CSMD1: variants seen among roughly 807,000 people sequenced by gnomAD.
The protein encoded by CSMD1 is CUB and sushi domain-containing protein 1.
In CSMD1, 213 loss-of-function variants were observed where a neutral mutation model predicts 417.5. That is an observed-to-expected ratio of 0.51 (90% CI 0.46 to 0.57). The LOEUF (loss-of-function observed/expected upper bound fraction) is 0.57, where lower values mean the gene tolerates loss of function less well. Ranked by LOEUF, CSMD1 falls within the 20% of genes least tolerant of loss-of-function variation. The pLI is 0.00. For synonymous variants in CSMD1, 2,862 were observed against 1,736.8 expected, an observed-to-expected ratio of 1.65 and a Z score of -16.11; for missense variants, 6,923 against 4,529.7, an observed-to-expected ratio of 1.53 and a Z score of -15.17.
intron 3 of CSMD1, among the ~76,000 whole-genome samples, chr8:4,135,005 G>C (rs1021471700): frequency 2.0e-5 from 3 of 151,990 alleles, no homozygotes; most frequent in East Asian, 3.9e-4. Context: ...TCTGCCTCTA[G>C]AATTTTTATT....
At chr8:3,642,496 C>T (rs995294765) in intron 7 of CSMD1, among the ~76,000 whole-genome samples, 5 of 152,168 alleles carry the variant, frequency 3.3e-5, no homozygotes, top group African/African-American at 1.2e-4. Flanking sequence ...CACAAATCCT[C>T]TCTGGAGAAA....
chr8:4,434,842 C>T (rs1047058197), intron 2 of CSMD1, among the ~76,000 whole-genome samples: 9 of 152,202 alleles, frequency 5.9e-5, no homozygotes, highest in African/African-American at 2.2e-4. Context: ...CCATAGCTGT[C>T]TCCTGGGCAA....
rs186856231 is a variant in CSMD1 at position 4,914,652 on chromosome 8, G to C, written c.85+79680C>G. Among the ~76,000 whole-genome samples the C allele has an allele frequency of 4.0e-5, 6 of 151,692 alleles. No homozygotes were observed. In the East Asian group the frequency reaches 7.8e-4, roughly 20 times the overall value. ...GCCTTTAACTTCTGCAAGTTTTGTA[G>C]CAGATCCTCTGTTTGGACACTAATC... On this transcript the variant is annotated intron_variant, in intron 1 of 69. Transcript: ENST00000635120.
At chr8:4,319,431 A>G (rs1002542198) in intron 3 of CSMD1, among the ~76,000 whole-genome samples, 1 of 152,164 alleles carries the variant, frequency 6.6e-6, no homozygotes, top group South Asian at 2.1e-4. Flanking sequence ...ATATACCTAC[A>G]CTTCTTTCCA....
chr8:3,748,829 A>C (rs2129052569), intron 6 of CSMD1, among the ~76,000 whole-genome samples: 1 of 152,362 alleles, frequency 6.6e-6, no homozygotes, highest in South Asian at 2.1e-4. Context: ...AGGGAACTAT[A>C]ACCTAAAAAC....
At chr8:3,513,598 A>G (rs1024882872) in intron 10 of CSMD1, among the ~76,000 whole-genome samples, 1 of 152,138 alleles carries the variant, frequency 6.6e-6, no homozygotes, top group Non-Finnish European at 1.5e-5. Context: ...ATCCTACGCA[A>G]TGCCCCAGAA....
At chr8:4,071,236 T>C (rs1198515432) in intron 3 of CSMD1, among the ~76,000 whole-genome samples, 4 of 152,140 alleles carry the variant, frequency 2.6e-5, no homozygotes, top group Non-Finnish European at 4.4e-5. Context: ...CTGTTAGGCC[T>C]GATATTGTCC....
chr8:4,923,744 C>A (rs558932411), intron 1 of CSMD1, among the ~76,000 whole-genome samples: 105 of 152,138 alleles, frequency 6.9e-4, no homozygotes, highest in South Asian at 1.5e-3. Context: ...TACCAAGGAA[C>A]CTTGGAAAGG....
chr8:3,919,479 T>A (rs932557710), intron 5 of CSMD1, among the ~76,000 whole-genome samples: 1 of 152,148 alleles, frequency 6.6e-6, no homozygotes, highest in African/African-American at 2.4e-5. Flanking sequence ...TTCTATTCTG[T>A]ATTATTGGTC....
intron 23 of CSMD1, among the ~76,000 whole-genome samples, chr8:3,339,535 T>C (rs1384098035): frequency 6.6e-6 from 1 of 152,186 alleles, no homozygotes; most frequent in Non-Finnish European, 1.5e-5. Context: ...AACATCAGAA[T>C]GCCAGTTCCG....
chr8:3,822,442 T>C (rs1245971223), intron 5 of CSMD1, among the ~76,000 whole-genome samples: 1 of 152,168 alleles, frequency 6.6e-6, no homozygotes, highest in Non-Finnish European at 1.5e-5. Flanking sequence ...AAAAGAACAA[T>C]GCCACAAAGA....
At chr8:3,403,532 G>C (rs751870739) in intron 15 of CSMD1, among the ~76,000 whole-genome samples, 2 of 152,122 alleles carry the variant, frequency 1.3e-5, no homozygotes, top group African/African-American at 2.4e-5. Context: ...CCTATAGCTG[G>C]GTTTTGCCTT....
intron 3 of CSMD1, among the ~76,000 whole-genome samples, chr8:4,243,753 G>A (rs1035688484): frequency 2.6e-5 from 4 of 152,118 alleles, no homozygotes; most frequent in African/African-American, 9.7e-5. Flanking sequence ...ATTTTGCCGT[G>A]TCATCATTCT....
chr8:4,954,291 T>C (rs1483904853), intron 1 of CSMD1, among the ~76,000 whole-genome samples: 1 of 152,142 alleles, frequency 6.6e-6, no homozygotes, highest in East Asian at 1.9e-4. Flanking sequence ...ACAACAGAGG[T>C]GCAAATAACA....
intron 3 of CSMD1, among the ~76,000 whole-genome samples, chr8:4,075,027 A>C (rs1799749440): frequency 6.6e-6 from 1 of 152,160 alleles, no homozygotes; most frequent in South Asian, 2.1e-4. Flanking sequence ...ACTCACTGTA[A>C]TAACCCCAGT....
chr8:4,165,699 G>A (rs1052543939), intron 3 of CSMD1, among the ~76,000 whole-genome samples: 1 of 152,082 alleles, frequency 6.6e-6, no homozygotes, highest in Non-Finnish European at 1.5e-5. Context: ...CATCACACCC[G>A]GCCCAAGTAT....
chr8:3,410,106 CAGAGGA>C (rs1812590833), intron 12 of CSMD1, among the ~76,000 whole-genome samples: 1 of 152,134 alleles, frequency 6.6e-6, no homozygotes, highest in South Asian at 2.1e-4. Context: ...GTTTGGTCTA[CAGAGGA>C]AAACAAAATA....
chr8:3,188,017 G>T (rs1290299579), intron 35 of CSMD1, 52 bp from the exon 36 acceptor site: 2 of 1,442,004 alleles, frequency 1.4e-6, no homozygotes, highest in Non-Finnish European at 1.9e-6. Context: ...AACACAATTA[G>T]TCTAATTAGA....
At chr8:4,296,585 G>T (rs921437888) in intron 3 of CSMD1, among the ~76,000 whole-genome samples, 5 of 148,382 alleles carry the variant, frequency 3.4e-5, no homozygotes, top group Non-Finnish European at 5.9e-5. Flanking sequence ...CATGCAAAAG[G>T]CAGGTACATT....
Sources: allele counts gnomAD v4.1 joint callset (sites outside exome capture counted in the v4.1 genomes callset), GRCh38; gene constraint gnomAD v4.1.1; transcripts MANE v1.5; gene names NCBI Gene and HGNC (gene_info 2026-07-23, HGNC 2026-07-21).